Variants in FRMPD3 observed in about 807,000 individuals in gnomAD.
FRMPD3 encodes the protein FERM and PDZ domain-containing protein 3.
FRMPD3 carries 42 observed loss-of-function variants against 97.9 expected under a neutral mutation model. That is an observed-to-expected ratio of 0.43 (90% CI 0.34 to 0.55). FRMPD3 has a LOEUF of 0.55. FRMPD3 is among the 20% of genes least tolerant of loss of function. The probability of loss-of-function intolerance (pLI) is 0.03; values close to 1 mark genes in which losing one functional copy is unlikely to be tolerated. For missense variants in FRMPD3, 1,303 were observed against 1,457.7 expected (o/e 0.89, Z 1.73); for synonymous variants, 577 against 581.1 (o/e 0.99, Z 0.10).
intron 11 of FRMPD3, among the ~76,000 whole-genome samples, chrX:107,563,565 AT>A (rs1041788398): frequency 8.9e-6 from 1 of 112,904 alleles, no homozygotes; most frequent in African/African-American, 3.2e-5. Context: ...GCATAAACAA[AT>A]GGGTGTGGCT....
intron 1 of FRMPD3, among the ~76,000 whole-genome samples, chrX:107,519,419 G>A (rs891489036): frequency 4.5e-5 from 5 of 111,817 alleles, no homozygotes; most frequent in Non-Finnish European, 7.5e-5. Context: ...GCTTGAGCCT[G>A]GGAGGTCAAG....
intron 10 of FRMPD3, among the ~76,000 whole-genome samples, chrX:107,562,559 T>C (rs190306228): frequency 2.7e-5 from 3 of 111,979 alleles, no homozygotes; most frequent in Non-Finnish European, 5.6e-5. Flanking sequence ...GAAAAGGAGC[T>C]AGGGGGTAAG....
At chrX:107,494,294 T>C (rs1410283868) in intron 1 of FRMPD3, among the ~76,000 whole-genome samples, 2 of 112,053 alleles carry the variant, frequency 1.8e-5, no homozygotes, top group African/African-American at 6.5e-5. Context: ...TTGAATTTCC[T>C]ACCTGTTCAG....
chrX:107,596,382 T>C (rs1433381789), intron 13 of FRMPD3, among the ~76,000 whole-genome samples: 4 of 112,362 alleles, frequency 3.6e-5, no homozygotes, highest in African/African-American at 1.3e-4. Flanking sequence ...GGATCATGTA[T>C]ATTAGGACCT....
rs936521019 is a variant in FRMPD3 at position 107,511,404 on chromosome X, C to T, written c.-7-15178C>T. Among the ~76,000 whole-genome samples, 39 of 112,727 alleles carry T rather than the reference C, an allele frequency of 3.5e-4. 2 individuals are homozygous for T. The highest frequency in any genetic ancestry group is 5.6e-5 in the Non-Finnish European group (3 of 53,301). The stretch of plus-strand genomic sequence containing the variant: ...TCATCTTCTAGAAAGCTTCCCCCTG[C>T]TGCTTCTGGAAATCAGCAGAGGGTG... On this transcript the variant is annotated intron_variant, in intron 1 of 14. Coordinates refer to ENST00000683843, the MANE Select transcript of FRMPD3 (RefSeq NM_001388459.1).
At chrX:107,535,438 G>A (rs1396214316) in intron 4 of FRMPD3, among the ~76,000 whole-genome samples, 1 of 110,260 alleles carries the variant, frequency 9.1e-6, no homozygotes, top group Non-Finnish European at 1.9e-5. Flanking sequence ...GGGAGGCCGA[G>A]GCAGGTTGAT....
At chrX:107,487,906 C>T (rs1478842151) in intron 1 of FRMPD3, among the ~76,000 whole-genome samples, 1 of 112,026 alleles carries the variant, frequency 8.9e-6, no homozygotes, top group Non-Finnish European at 1.9e-5. Context: ...TTAGGAGTGA[C>T]AAAAGGATTT....
At chrX:107,495,067 A>G (rs1921742036) in intron 1 of FRMPD3, among the ~76,000 whole-genome samples, 1 of 112,711 alleles carries the variant, frequency 8.9e-6, no homozygotes, top group African/African-American at 3.2e-5. Flanking sequence ...CTGAATCGCT[A>G]CACACACAAC....
At chrX:107,453,206 C>T (rs1045839944) in intron 1 of FRMPD3, among the ~76,000 whole-genome samples, 1 of 111,225 alleles carries the variant, frequency 9.0e-6, no homozygotes, top group Non-Finnish European at 1.9e-5. Context: ...CACATACACA[C>T]AAATACACAC....
At chrX:107,559,256 T>C (rs1182918726) in intron 8 of FRMPD3, among the ~76,000 whole-genome samples, 5 of 111,864 alleles carry the variant, frequency 4.5e-5, no homozygotes, top group Non-Finnish European at 9.4e-5. Flanking sequence ...GCATGAGCCA[T>C]TGCACCTGGC....
intron 13 of FRMPD3, among the ~76,000 whole-genome samples, chrX:107,583,798 G>A (rs1485281210): frequency 9.1e-6 from 1 of 110,232 alleles, no homozygotes; most frequent in Non-Finnish European, 1.9e-5. Context: ...GCAAGACATG[G>A]TATCTTATTG....
At chrX:107,450,260 C>T (rs2147883577) in intron 1 of FRMPD3, among the ~76,000 whole-genome samples, 1 of 111,083 alleles carries the variant, frequency 9.0e-6, no homozygotes, top group South Asian at 3.8e-4. Context: ...TCCGCGGGTG[C>T]GGGGTGAGGA....
chrX:107,474,864 A>G (rs1438828351), intron 1 of FRMPD3, among the ~76,000 whole-genome samples: 1 of 112,356 alleles, frequency 8.9e-6, no homozygotes, highest in Admixed American at 9.4e-5. Context: ...CAAAGGCTGC[A>G]ATAGATTAAA....
At position 107,530,452 on chromosome X, in the gene FRMPD3, G is replaced by A; in HGVS notation, c.192G>A (p.Val64=). 1.7e-6 allele frequency: 2 copies of A among 1,197,590 alleles called. No homozygotes were observed. Among genetic ancestry groups the A allele is most frequent in the South Asian group, 1.8e-5 (1 of 54,496 alleles). ...AGCTCCTGGCTGGTGACCAGATTGT[G>A]GCTATTAATGAGGAAGACGTGAGTG... The part of the protein sequence containing the change: ...ENKLLAGDQI[V]AINEEDVSEA... The change falls in exon 3 of 15, where the codon GTG becomes GTA. Residue 64 remains valine, a synonymous_variant. Transcript: ENST00000683843.
At chrX:107,473,849 C>T (rs1018590013) in intron 1 of FRMPD3, among the ~76,000 whole-genome samples, 8 of 112,017 alleles carry the variant, frequency 7.1e-5, no homozygotes, top group Admixed American at 6.6e-4. Context: ...TTTGGGAGGC[C>T]GAGGCGGGTG....
At chrX:107,450,702 T>A (rs1931272606) in intron 1 of FRMPD3, among the ~76,000 whole-genome samples, 1 of 108,808 alleles carries the variant, frequency 9.2e-6, no homozygotes, top group African/African-American at 3.4e-5. Context: ...CCCCTAGCGC[T>A]GCTAAAACAT....
intron 1 of FRMPD3, among the ~76,000 whole-genome samples, chrX:107,476,631 A>T (rs1224193734): frequency 8.9e-6 from 1 of 112,469 alleles, no homozygotes; most frequent in African/African-American, 3.2e-5. Context: ...GCATTCAGTG[A>T]GTGCTTAGTA....
intron 13 of FRMPD3, among the ~76,000 whole-genome samples, chrX:107,589,560 G>C (rs972819309): frequency 5.4e-5 from 6 of 110,788 alleles, no homozygotes; most frequent in African/African-American, 2.0e-4. Flanking sequence ...CAGTTCTGAT[G>C]AGAGAACCTG....
At chrX:107,455,016 C>A (rs1386556996) in intron 1 of FRMPD3, among the ~76,000 whole-genome samples, 1 of 111,734 alleles carries the variant, frequency 8.9e-6, no homozygotes, top group Non-Finnish European at 1.9e-5. Flanking sequence ...CCCTTCTACT[C>A]CAGCCAAGTT....
Sources: allele counts gnomAD v4.1 joint callset (sites outside exome capture counted in the v4.1 genomes callset), GRCh38; gene constraint gnomAD v4.1.1; transcripts MANE v1.5; gene names NCBI Gene and HGNC (gene_info 2026-07-23, HGNC 2026-07-21).